The following PNLIPRP3 variants were observed in gnomAD, a reference collection of about 807,000 sequenced individuals.
PNLIPRP3 encodes pancreatic lipase-related protein 3.
PNLIPRP3 carries 58 observed loss-of-function variants against 52.8 expected under a neutral mutation model. The observed-to-expected ratio is 1.10, with a 90% CI of 0.89 to 1.37. PNLIPRP3 has a LOEUF of 1.37. Ranked by LOEUF, PNLIPRP3 falls within the 40% of genes most tolerant of loss-of-function variation. The probability of loss-of-function intolerance (pLI) is 0.00; values close to 1 mark genes in which losing one functional copy is unlikely to be tolerated. For synonymous variants in PNLIPRP3, 192 were observed against 185.0 expected, an observed-to-expected ratio of 1.04 and a Z score of -0.31; for missense variants, 593 against 561.6, an observed-to-expected ratio of 1.06 and a Z score of -0.57.
chr10:116,452,375 C>CA (rs987195839), intron 4 of PNLIPRP3, among the ~76,000 whole-genome samples: 1 of 152,000 alleles, frequency 6.6e-6, no homozygotes, highest in Non-Finnish European at 1.5e-5. Flanking sequence ...ATGTGGCAGA[C>CA]AAAAAAAGCT....
At chr10:116,474,466 A>C (rs1444627648) in intron 10 of PNLIPRP3, among the ~76,000 whole-genome samples, 1 of 152,256 alleles carries the variant, frequency 6.6e-6, no homozygotes, top group East Asian at 1.9e-4. Flanking sequence ...AATTAAACTA[A>C]AGAGCTTCGA....
intron 2 of PNLIPRP3, among the ~76,000 whole-genome samples, chr10:116,437,341 G>A (rs1845789059): frequency 6.6e-6 from 1 of 152,150 alleles, no homozygotes; most frequent in African/African-American, 2.4e-5. Context: ...TGAGGTCAGG[G>A]ATGGAACCAG....
chr10:116,440,412 T>C (rs1845841313), intron 2 of PNLIPRP3, among the ~76,000 whole-genome samples: 1 of 152,274 alleles, frequency 6.6e-6, no homozygotes, highest in South Asian at 2.1e-4. Context: ...TTGGAAAGAA[T>C]CATGTGTAAT....
chr10:116,428,106 T>C (rs868282485), intron 1 of PNLIPRP3, 45 bp downstream of exon 1: 2 of 1,309,528 alleles, frequency 1.5e-6, no homozygotes, highest in Non-Finnish European at 2.2e-6. Context: ...ATAATGAGTA[T>C]ACTTACATCT....
intron 2 of PNLIPRP3, among the ~76,000 whole-genome samples, chr10:116,440,951 T>C (rs1157676397): frequency 6.6e-6 from 1 of 152,196 alleles, no homozygotes; most frequent in African/African-American, 2.4e-5. Flanking sequence ...ATGCTTCATG[T>C]CTGCTCAGTC....
At chr10:116,469,524 CT>C (rs1338458958) in intron 9 of PNLIPRP3, among the ~76,000 whole-genome samples, 1 of 152,206 alleles carries the variant, frequency 6.6e-6, no homozygotes, top group Middle Eastern at 3.2e-3. Context: ...GCGTAATAAA[CT>C]TTCTCTTAGG....
intron 2 of PNLIPRP3, chr10:116,439,623 T>C (rs973956739): frequency 1.3e-6 from 1 of 769,042 alleles, no homozygotes; most frequent in Non-Finnish European, 2.4e-6. Flanking sequence ...CTTAGTGATG[T>C]AAGGCTGCTT....
rs144796580 is a variant in PNLIPRP3, at chr10:116,433,207, C to G, written c.50-3504C>G. On this transcript the variant is annotated intron_variant, in intron 1 of 11. Transcript: ENST00000369230. Reference sequence around the variant, plus strand: ...AAACCCCAAAGCCACTAAGCAAAAGCCTGATAATTTTGATTGCATAAATGC... The same window carrying G: ...AAACCCCAAAGCCACTAAGCAAAAGGCTGATAATTTTGATTGCATAAATGC... 4.8e-3 allele frequency among the ~76,000 whole-genome samples: 676 copies of G among 139,648 alleles called. 17 individuals carry two copies. The highest frequency in any genetic ancestry group is 7.3e-3 in the East Asian group (35 of 4,766). 91.6% of individuals were successfully genotyped at this position (139,648 alleles called of 152,430 possible).
intron 9 of PNLIPRP3, among the ~76,000 whole-genome samples, chr10:116,469,937 G>A (rs1055019984): frequency 1.5e-4 from 22 of 149,722 alleles, no homozygotes; most frequent in African/African-American, 5.2e-4. Context: ...TGGAAGCAGG[G>A]TGCCTGTTAC....
In PNLIPRP3 at chr10:116,461,004, A is replaced by C; in HGVS notation, c.604A>C (p.Lys202Gln). ...TGGGCCATTTTTCCACAACACTCCA[A>C]AGGAAGTCAGGCTAGACCCCTCGGA... is the stretch of plus-strand genomic sequence containing the variant. Reference protein sequence around the residue: ...PAGPFFHNTPKEVRLDPSDAN... With the variant: ...PAGPFFHNTPQEVRLDPSDAN... Residue 202 changes from lysine to glutamine, a missense_variant, in exon 6 of 12, where the codon AAG becomes CAG. Physicochemically the swap from Lys to Gln is moderately conservative, Grantham distance 53 (BLOSUM62 1). Transcript: ENST00000369230. 1 of 1,614,164 alleles carries C rather than the reference A, an allele frequency of 6.2e-7. No individual in the cohort carries two copies. The highest frequency in any genetic ancestry group is 8.5e-7 in the Non-Finnish European group (1 of 1,180,020).
At chr10:116,467,023 C>T (rs1306233496) in intron 8 of PNLIPRP3, among the ~76,000 whole-genome samples, 1 of 152,182 alleles carries the variant, frequency 6.6e-6, no homozygotes, top group Non-Finnish European at 1.5e-5. Context: ...TCGGCTGCTA[C>T]TCTGAGCACC....
In PNLIPRP3 at chr10:116,466,055, G is replaced by T; in HGVS notation, c.814G>T (p.Ala272Ser). The T allele has an allele frequency of 6.2e-7, 1 of 1,609,724 alleles. No homozygotes were observed. Among genetic ancestry groups the T allele is most frequent in the Non-Finnish European group, 8.5e-7 (1 of 1,176,466 alleles). ...FNFNAYKKEM[A>S]SFFDCNHARS... is the part of the protein sequence containing the mutation. Reference sequence around the variant, plus strand: ...ATTGGGAATTGTTTTCACAGAAATGGCTTCCTTCTTTGACTGTAACCATGC... The same window carrying T: ...ATTGGGAATTGTTTTCACAGAAATGTCTTCCTTCTTTGACTGTAACCATGC... Residue 272 changes from alanine to serine, a missense_variant, in exon 8 of 12, where the codon GCT becomes TCT. Coordinates refer to ENST00000369230, the MANE Select transcript of PNLIPRP3 (RefSeq NM_001011709.3).
intron 5 of PNLIPRP3, among the ~76,000 whole-genome samples, chr10:116,457,743 A>G (rs1846136022): frequency 6.6e-6 from 1 of 152,338 alleles, no homozygotes; most frequent in South Asian, 2.1e-4. Flanking sequence ...AGCAGAACAC[A>G]TAACTGCATT....
intron 8 of PNLIPRP3, 96 bp downstream of exon 8, chr10:116,466,264 A>C (rs1846281664): frequency 2.4e-6 from 2 of 818,104 alleles, no homozygotes; most frequent in African/African-American, 3.5e-5. Context: ...GGTAGCAAAA[A>C]AAATGCACCT....
At position 116,476,802 on chromosome 10, in the gene PNLIPRP3, T is replaced by C; in HGVS notation, c.1323T>C (p.Ser441=). ...KLGAEMVINT[S]GKYGYKSTFC... is the part of the protein sequence containing the mutation. ...GAGCAGAAATGGTGATAAATACATC[T>C]GGGAAATATGGATATAAGTAAGTAT... The change falls in exon 11 of 12, where the codon TCT becomes TCC. Residue 441 remains serine (S), a synonymous_variant. Coordinates refer to ENST00000369230, the MANE Select transcript of PNLIPRP3 (RefSeq NM_001011709.3). 1 of 1,597,482 alleles carries C rather than the reference T, an allele frequency of 6.3e-7. No individual in the cohort carries two copies. Among genetic ancestry groups the C allele is most frequent in the Non-Finnish European group, 8.5e-7 (1 of 1,174,370 alleles).
At chr10:116,454,073 T>C (rs544098703) in intron 4 of PNLIPRP3, among the ~76,000 whole-genome samples, 2 of 152,296 alleles carry the variant, frequency 1.3e-5, no homozygotes, top group Non-Finnish European at 2.9e-5. Flanking sequence ...CTGAGAATGA[T>C]GGCTTCCAGC....
chr10:116,436,855 A>G lies in PNLIPRP3; in HGVS notation c.194A>G (p.Asn65Ser). Reference sequence around the variant, plus strand: ...CTGCTCTACACTATACACAATCCCAATGCCTATCAGGTAAGCTAACTTGCA... The same window carrying G: ...CTGCTCTACACTATACACAATCCCAGTGCCTATCAGGTAAGCTAACTTGCA... Reference protein sequence around the residue: ...RFLLYTIHNPNAYQEISAVNS... With the variant: ...RFLLYTIHNPSAYQEISAVNS... The change falls in exon 2 of 12, where the codon AAT (asparagine) becomes AGT (serine). Residue 65 changes from asparagine (N) to serine (S), a missense_variant. By Grantham distance (46) the Asn-to-Ser change is conservative. Coordinates refer to ENST00000369230, the MANE Select transcript of PNLIPRP3 (RefSeq NM_001011709.3). 2 of 1,591,434 alleles carry G rather than the reference A, an allele frequency of 1.3e-6. No individual in the cohort carries two copies. The highest frequency in any genetic ancestry group is 8.6e-7 in the Non-Finnish European group (1 of 1,166,598).
At chr10:116,454,444 T>G (rs1191367424) in intron 4 of PNLIPRP3, among the ~76,000 whole-genome samples, 2 of 152,052 alleles carry the variant, frequency 1.3e-5, no homozygotes, top group African/African-American at 2.4e-5. Context: ...ATAATGAGAG[T>G]GTTTTAAACC....
Position 116,466,459 on chromosome 10 carries a change from G to A in PNLIPRP3, c.927+291G>A, listed in dbSNP as rs149607981. On this transcript the variant is annotated intron_variant, in intron 8 of 11. Transcript: ENST00000369230. ...GTAATTAGATGTTACTGTGTAACAG[G>A]CATAAGTCTAGGGCAAAAATATTTC... Among the ~76,000 whole-genome samples the A allele has an allele frequency of 2.2e-4, 33 of 152,250 alleles. No individual in the cohort carries two copies. In the East Asian group the frequency reaches 3.3e-3, roughly 15 times the overall value.
Sources: gnomAD v4.1 joint callset for allele counts (sites outside exome capture counted in the v4.1 genomes callset) on GRCh38, gnomAD v4.1.1 for gene constraint, MANE v1.5 for transcripts, NCBI Gene and HGNC (gene_info 2026-07-23, HGNC 2026-07-21) for gene names.